The following NLRP5 variants were observed in gnomAD, a reference collection of about 807,000 sequenced individuals.
NLRP5 encodes NACHT, LRR and PYD domains-containing protein 5.
In NLRP5, 93 loss-of-function variants were observed where a neutral mutation model predicts 113.1. That is an observed-to-expected ratio of 0.82 (90% CI 0.70 to 0.98). The LOEUF is 0.98. Among genes scored for constraint, NLRP5 ranks in the 50% least tolerant of loss-of-function variants. The probability of loss-of-function intolerance (pLI) is 0.00; values close to 1 mark genes in which losing one functional copy is unlikely to be tolerated. For missense variants in NLRP5, 1,808 were observed against 1,514.3 expected (o/e 1.19, Z -3.22); for synonymous variants, 751 against 600.7 (o/e 1.25, Z -3.66).
the NLRP5 span, among the ~76,000 whole-genome samples, chr19:55,990,072 CTTTTTTCTTT>C: frequency 2.6e-5 from 2 of 76,482 alleles, no homozygotes; most frequent in Admixed American, 3.7e-4. Flanking sequence ...TCTTTTTTTT[CTTTTTTCTTT>C]TTTTTTTTTT....
intron 8 of NLRP5, 33 bp from the exon 9 acceptor site, chr19:56,033,509 A>G (rs1983200375): frequency 6.5e-7 from 1 of 1,541,784 alleles, no homozygotes; most frequent in South Asian, 1.2e-5. Flanking sequence ...AAACATCACC[A>G]GTGTCGAATG....
At chr19:55,998,658 A>ATGTGTGTGTGTGTGTGTGTG (rs145042875), upstream of NLRP5, among the ~76,000 whole-genome samples, 19 of 44,650 alleles carry the variant, frequency 4.3e-4, no homozygotes, top group African/African-American at 2.0e-3. Flanking sequence ...GTCTCAAAAT[A>ATGTGTGTGTGTGTGTGTGTG]TGTGTGTGTG....
intron 10 of NLRP5, among the ~76,000 whole-genome samples, chr19:56,039,645 G>A (rs775719501): frequency 6.6e-5 from 10 of 152,222 alleles, no homozygotes; most frequent in Non-Finnish European, 1.3e-4. Context: ...AGGTGTGGTG[G>A]CTCACGCCTG....
intron 12 of NLRP5, among the ~76,000 whole-genome samples, chr19:56,052,329 C>T (rs1025686373): frequency 2.0e-5 from 3 of 152,000 alleles, no homozygotes; most frequent in East Asian, 3.9e-4. Flanking sequence ...AGTGCAATAG[C>T]GCAATCTCAG....
intron 12 of NLRP5, 112 bp from the exon 13 acceptor site, chr19:56,053,526 G>A (rs1359251889): frequency 2.2e-6 from 2 of 924,860 alleles, no homozygotes; most frequent in African/African-American, 1.7e-5. Flanking sequence ...GGACAAAACA[G>A]TGGCCCGTCA....
intron 11 of NLRP5, 87 bp from the exon 12 acceptor site, chr19:56,050,331 T>C: frequency 7.9e-7 from 1 of 1,271,340 alleles, no homozygotes; most frequent in Non-Finnish European, 1.1e-6. Flanking sequence ...AGAAGCAGAC[T>C]GCAGCTGGGA....
chr19:56,045,572 A>G (rs975555448), intron 11 of NLRP5, among the ~76,000 whole-genome samples: 1 of 151,962 alleles, frequency 6.6e-6, no homozygotes, highest in Non-Finnish European at 1.5e-5. Context: ...ACCCCACAAC[A>G]GGCCCCAGTG....
At chr19:55,990,079 C>CT in the NLRP5 span, among the ~76,000 whole-genome samples, 76 of 95,948 alleles carry the variant, frequency 7.9e-4, no homozygotes, top group South Asian at 1.8e-3. Flanking sequence ...TTTCTTTTTT[C>CT]TTTTTTTTTT....
At chr19:55,999,669 G>A (rs199475761), upstream of NLRP5, 23 of 1,337,186 alleles carry the variant, frequency 1.7e-5, no homozygotes, top group South Asian at 2.3e-4. Flanking sequence ...CTGATTTCCA[G>A]CTTCCAGAGG....
chr19:56,030,794 A>C (rs1159359330), intron 7 of NLRP5, among the ~76,000 whole-genome samples: 1 of 133,732 alleles, frequency 7.5e-6, no homozygotes, highest in African/African-American at 2.9e-5. Flanking sequence ...AGCTCACTGC[A>C]ACCTCCACCT....
chr19:56,015,077 T>A (rs1039524187), intron 3 of NLRP5, among the ~76,000 whole-genome samples: 2 of 152,096 alleles, frequency 1.3e-5, no homozygotes, highest in Non-Finnish European at 2.9e-5. Context: ...GTTTTCTTAA[T>A]TTTTTTTGGT....
At chr19:56,033,414 C>G in intron 8 of NLRP5, 128 bp from the exon 9 acceptor site, 1 of 732,064 alleles carries the variant, frequency 1.4e-6, no homozygotes, top group South Asian at 1.8e-5. Context: ...CTCAGGTATT[C>G]GTTGTTTTAA....
At chr19:56,024,584 T>TACACACACACACACACACACACAC (rs369128981) in intron 6 of NLRP5, among the ~76,000 whole-genome samples, 2 of 147,242 alleles carry the variant, frequency 1.4e-5, no homozygotes, top group African/African-American at 5.0e-5. Context: ...TATATATACA[T>TACACACACACACACACACACACAC]ACACACACAC....
intron 13 of NLRP5, among the ~76,000 whole-genome samples, chr19:56,055,895 G>C (rs1204296281): frequency 1.3e-5 from 2 of 152,070 alleles, no homozygotes; most frequent in Non-Finnish European, 2.9e-5. Context: ...CTGTTCTGGG[G>C]TGTGTCCACC....
chr19:56,047,173 A>C (rs1438573034), intron 11 of NLRP5, among the ~76,000 whole-genome samples: 7 of 152,160 alleles, frequency 4.6e-5, no homozygotes, highest in Admixed American at 4.6e-4. Flanking sequence ...TATCAATTTT[A>C]TATTTTCAAA....
Position 56,058,269 on chromosome 19 carries a change from GCTGTGAGGCACT to G in NLRP5, c.3332_3343del (p.Cys1111_Leu1114del). 1 of 1,613,918 alleles carries G rather than the reference GCTGTGAGGCACT, an allele frequency of 6.2e-7. No homozygotes were observed. Among genetic ancestry groups the G allele is most frequent in the Non-Finnish European group, 8.5e-7 (1 of 1,179,846 alleles). Reference sequence around the variant, plus strand: ...AAGGCATGTGGACTGACTTCTGATTGCTGTGAGGCACTCTCCTTGGCCCTTTCCTGCAACCGG... The same window carrying G: ...AAGGCATGTGGACTGACTTCTGATTGCTCCTTGGCCCTTTCCTGCAACCGG... On this transcript the variant is annotated inframe_deletion, in exon 14 of 15. Transcript: ENST00000390649.
intron 3 of NLRP5, among the ~76,000 whole-genome samples, chr19:56,009,476 G>C (rs1296232710): frequency 6.6e-6 from 1 of 151,936 alleles, no homozygotes; most frequent in Non-Finnish European, 1.5e-5. Context: ...AGGAGGCTTT[G>C]GTGGAAAGAA....
At chr19:56,038,619 C>T (rs2123320392) in intron 10 of NLRP5, among the ~76,000 whole-genome samples, 1 of 152,248 alleles carries the variant, frequency 6.6e-6, no homozygotes, top group South Asian at 2.1e-4. Context: ...GGCCAGAGCT[C>T]ATGCATTCTG....
At chr19:56,054,615 C>A (rs912488225) in intron 13 of NLRP5, among the ~76,000 whole-genome samples, 1 of 150,200 alleles carries the variant, frequency 6.7e-6, no homozygotes. Flanking sequence ...CATGGATGAG[C>A]CTTGAAAACG....
Sources: gnomAD v4.1 joint callset for allele counts (sites outside exome capture counted in the v4.1 genomes callset) on GRCh38, gnomAD v4.1.1 for gene constraint, MANE v1.5 for transcripts, NCBI Gene and HGNC (gene_info 2026-07-23, HGNC 2026-07-21) for gene names.